TNRC6B: variants seen among roughly 807,000 people sequenced by gnomAD.
TNRC6B encodes trinucleotide repeat-containing gene 6B protein.
In TNRC6B, 52 loss-of-function variants were observed where a neutral mutation model predicts 203.6. That is an observed-to-expected ratio of 0.26 (90% CI 0.20 to 0.32). The LOEUF (loss-of-function observed/expected upper bound fraction) is 0.32. Among genes scored for constraint, TNRC6B ranks in the 10% least tolerant of loss-of-function variants. TNRC6B has a pLI of 1.00. For missense variants in TNRC6B, 1,923 were observed against 2,286.2 expected, an observed-to-expected ratio of 0.84 and a Z score of 3.24; for synonymous variants, 838 against 845.7, an observed-to-expected ratio of 0.99 and a Z score of 0.16.
chr22:40,224,805 C>A (rs1321523238), intron 1 of TNRC6B, among the ~76,000 whole-genome samples: 7 of 152,184 alleles, frequency 4.6e-5, no homozygotes, highest in Non-Finnish European at 7.3e-5. Flanking sequence ...AGGTATGGGT[C>A]TGATCTTATG....
At chr22:40,163,359 C>T (rs1302039667) in intron 4 of TNRC6B, among the ~76,000 whole-genome samples, 2 of 139,948 alleles carry the variant, frequency 1.4e-5, no homozygotes, top group African/African-American at 5.4e-5. Context: ...GATCACACCA[C>T]TGCACTCTAC....
At chr22:40,106,553 T>C (rs751624014) in intron 1 of TNRC6B, 4 of 732,818 alleles carry the variant, frequency 5.5e-6, no homozygotes, top group South Asian at 2.8e-5. Context: ...CAAAGTGTTA[T>C]CTGTCAAAGC....
intron 1 of TNRC6B, among the ~76,000 whole-genome samples, chr22:40,072,365 C>T (rs145671385): frequency 5.9e-5 from 9 of 152,230 alleles, no homozygotes; most frequent in Non-Finnish European, 1.2e-4. Flanking sequence ...AGCATGTGGG[C>T]AGTGGGATGC....
intron 1 of TNRC6B, among the ~76,000 whole-genome samples, chr22:40,182,090 A>G (rs1049357096): frequency 1.3e-5 from 2 of 152,120 alleles, no homozygotes; most frequent in African/African-American, 4.8e-5. Context: ...TAAAAATACA[A>G]AAAAACTAGC....
At chr22:40,143,826 A>C (rs948278840) in intron 3 of TNRC6B, among the ~76,000 whole-genome samples, 8 of 152,116 alleles carry the variant, frequency 5.3e-5, no homozygotes, top group Non-Finnish European at 1.0e-4. Flanking sequence ...AAAGTCTGCA[A>C]TACATCTTTC....
rs575326036 is a variant in TNRC6B, at chr22:40,053,557, A to G, written c.-121+8559A>G. On this transcript the variant is annotated intron_variant, in intron 1 of 23. Coordinates refer to the TNRC6B transcript ENST00000301923. ...AGATTGAATTTCTCTCTGTTCTCTT[A>G]GACTTTACTCATTTCTGACATAGAC... 2.0e-5 allele frequency among the ~76,000 whole-genome samples: 3 copies of G among 152,258 alleles called. No individual in the cohort carries two copies. The South Asian group carries it at 6.2e-4, about 32-fold the overall frequency.
chr22:40,274,828 C>G (rs2070616474), intron 7 of TNRC6B, among the ~76,000 whole-genome samples: 2 of 152,154 alleles, frequency 1.3e-5, no homozygotes, highest in South Asian at 4.1e-4. Context: ...GGTTTTCAAT[C>G]TAGAACAGTA....
intron 1 of TNRC6B, among the ~76,000 whole-genome samples, chr22:40,214,099 C>T (rs2069600343): frequency 6.6e-6 from 1 of 152,024 alleles, no homozygotes; most frequent in South Asian, 2.1e-4. Context: ...AACCCCATCT[C>T]TACTAAAAAA....
chr22:40,260,807 A>G (rs1200485266), intron 3 of TNRC6B, among the ~76,000 whole-genome samples: 1 of 152,150 alleles, frequency 6.6e-6, no homozygotes. Context: ...TAATTAATGG[A>G]ATGTATTCCA....
At position 40,279,975 on chromosome 22, in the gene TNRC6B, C is replaced by CT. The variant is rs765524693; in HGVS notation, c.3263-19dup. ...AACATTGATTCTGGAAATTTTCACT[C>CT]TGTGTATGCTACTTTTCAGGAAGCC... On this transcript the variant is annotated intron_variant, in intron 9 of 22. Coordinates refer to ENST00000454349, the MANE Select transcript of TNRC6B (RefSeq NM_001162501.2). The CT allele has an allele frequency of 6.2e-7, 1 of 1,612,184 alleles. No individual in the cohort carries two copies. The highest frequency in any genetic ancestry group is 1.1e-5 in the South Asian group (1 of 90,882).
At chr22:40,185,084 G>A (rs954595173) in intron 1 of TNRC6B, among the ~76,000 whole-genome samples, 4 of 152,096 alleles carry the variant, frequency 2.6e-5, no homozygotes, top group South Asian at 2.1e-4. Flanking sequence ...TCTGCCTCCC[G>A]GGTTCAAGCG....
In TNRC6B at chr22:40,300,464, T is replaced by A; in HGVS notation, c.3718T>A (p.Ser1240Thr). The A allele has an allele frequency of 1.3e-6, 2 of 1,578,170 alleles. No individual in the cohort carries two copies. Among genetic ancestry groups the A allele is most frequent in the Non-Finnish European group, 1.7e-6 (2 of 1,168,238 alleles). ...PQFISPQVSASMLKQFPNSGL... is the reference protein window; with the variant it reads ...PQFISPQVSATMLKQFPNSGL... ...TTATTTTTTTGGCTAGGTTTCTGCCTCAATGCTCAAGCAGTTTCCCAACAG... is the reference window on the plus strand; with the variant it reads ...TTATTTTTTTGGCTAGGTTTCTGCCACAATGCTCAAGCAGTTTCCCAACAG... The change falls in exon 13 of 23, where the codon TCA becomes ACA. Residue 1240 changes from serine (S) to threonine (T), a missense_variant. By Grantham distance (58) the Ser-to-Thr change is moderately conservative (BLOSUM62 1). Coordinates refer to ENST00000454349, the MANE Select transcript of TNRC6B (RefSeq NM_001162501.2).
intron 1 of TNRC6B, among the ~76,000 whole-genome samples, chr22:40,230,282 C>CTTTT (rs56122256): frequency 7.4e-5 from 7 of 94,486 alleles, no homozygotes; most frequent in Non-Finnish European, 1.0e-4. Flanking sequence ...TGCCCATCTT[C>CTTTT]TTTTTTTTTT....
chr22:40,161,428 A>C (rs1390250658), intron 4 of TNRC6B, among the ~76,000 whole-genome samples: 1 of 152,194 alleles, frequency 6.6e-6, no homozygotes, highest in East Asian at 1.9e-4. Context: ...TCTTGTAATG[A>C]TTAGGACTAA....
intron 12 of TNRC6B, among the ~76,000 whole-genome samples, chr22:40,289,510 G>A (rs946263397): frequency 6.6e-6 from 1 of 152,152 alleles, no homozygotes; most frequent in South Asian, 2.1e-4. Context: ...CTTACTCAGT[G>A]TATCAGCAGC....
rs135632 is a variant in TNRC6B, at chr22:40,169,130, C to CTTTT, written c.113+12965_113+12968dup. ...TGGTGAGTCCAGAGTTTGGAATCTT[C>CTTTT]TTTTTTTTTTTTTTTTTTTTGAGAC... On this transcript the variant is annotated intron_variant, in intron 4 of 23. Transcript: ENST00000301923. Among the ~76,000 whole-genome samples, 21 of 109,628 alleles carry CTTTT rather than the reference C, an allele frequency of 1.9e-4. 1 individual carries two copies. Among genetic ancestry groups the CTTTT allele is most frequent in the African/African-American group, 3.1e-4 (9 of 29,144 alleles). 71.9% of individuals were successfully genotyped at this position (109,628 alleles called of 152,430 possible).
At chr22:40,319,414 TTTC>T (rs2071304515) in intron 21 of TNRC6B, among the ~76,000 whole-genome samples, 1 of 120,534 alleles carries the variant, frequency 8.3e-6, no homozygotes, top group Non-Finnish European at 1.9e-5. Context: ...TGTTATAACT[TTTC>T]TTTTCTTTTT....
intron 19 of TNRC6B, among the ~76,000 whole-genome samples, chr22:40,313,970 C>G (rs2071222295): frequency 6.6e-6 from 1 of 152,212 alleles, no homozygotes; most frequent in Non-Finnish European, 1.5e-5. Flanking sequence ...AAGGAGACAT[C>G]TCAATATTCC....
chr22:40,304,388 A>G (rs1456646912), intron 15 of TNRC6B, among the ~76,000 whole-genome samples: 1 of 152,202 alleles, frequency 6.6e-6, no homozygotes, highest in Non-Finnish European at 1.5e-5. Flanking sequence ...TGGGAGGCCA[A>G]GGTGAAGAGT....
Sources: allele counts gnomAD v4.1 joint callset (sites outside exome capture counted in the v4.1 genomes callset), GRCh38; gene constraint gnomAD v4.1.1; transcripts MANE v1.5; gene names NCBI Gene and HGNC (gene_info 2026-07-23, HGNC 2026-07-21).